The following PDE9A variants were observed in gnomAD, a reference collection of about 807,000 sequenced individuals.
PDE9A encodes phosphodiesterase 9A, also known as high affinity cGMP-specific 3',5'-cyclic phosphodiesterase 9A.
PDE9A carries 60 observed loss-of-function variants against 87.4 expected under a neutral mutation model. That is an observed-to-expected ratio of 0.69 (90% CI 0.56 to 0.85). The LOEUF (loss-of-function observed/expected upper bound fraction) is 0.85, where lower values mean the gene tolerates loss of function less well. Among genes scored for constraint, PDE9A ranks in the 40% least tolerant of loss-of-function variants. The probability of loss-of-function intolerance (pLI) is 0.00; values close to 1 mark genes in which losing one functional copy is unlikely to be tolerated. For missense variants in PDE9A, 665 were observed against 779.0 expected (o/e 0.85, Z 1.74); for synonymous variants, 272 against 279.4 (o/e 0.97, Z 0.27).
rs1006077072 is a variant in PDE9A at position 42,675,378 on chromosome 21, C to T, written c.70-10814C>T. ...TGCATCTTTGCTTGCAGCAGGGCAG[C>T]GCAGGGCATTGGTTGGGGTATAAAT... On this transcript the variant is annotated intron_variant, in intron 1 of 19. Transcript: ENST00000291539. This position sits in a 1 kb window ranked among gnomAD's most constrained non-coding sequence, Gnocchi z 4.3. Among the ~76,000 whole-genome samples, 26 of 152,176 alleles carry T rather than the reference C, an allele frequency of 1.7e-4. No individual in the cohort carries two copies. Among genetic ancestry groups the T allele is most frequent in the African/African-American group, 6.0e-4 (25 of 41,448 alleles).
intron 18 of PDE9A, among the ~76,000 whole-genome samples, chr21:42,771,214 G>A (rs1039214045): frequency 1.3e-4 from 20 of 152,310 alleles, no homozygotes; most frequent in African/African-American, 4.8e-4. Context: ...CCCTCCCCTG[G>A]CACGGGGACA....
chr21:42,736,318 G>T (rs1251261384), intron 7 of PDE9A, among the ~76,000 whole-genome samples: 1 of 152,194 alleles, frequency 6.6e-6, no homozygotes, highest in Non-Finnish European at 1.5e-5. Context: ...CAAGCCAGAA[G>T]AAAAGTGTTC....
At chr21:42,669,070 G>C (rs1268273340) in intron 1 of PDE9A, among the ~76,000 whole-genome samples, 2 of 152,200 alleles carry the variant, frequency 1.3e-5, no homozygotes, top group South Asian at 2.1e-4. Flanking sequence ...CCCATTGCTT[G>C]CGAAAAAGAT....
At chr21:42,668,968 G>A (rs1189092131) in intron 1 of PDE9A, among the ~76,000 whole-genome samples, 1 of 145,378 alleles carries the variant, frequency 6.9e-6, no homozygotes, top group African/African-American at 2.7e-5. Context: ...TGAGCCCTCC[G>A]TGTCTCCCCT....
At chr21:42,690,882 C>T (rs891005331) in intron 3 of PDE9A, among the ~76,000 whole-genome samples, 4 of 152,166 alleles carry the variant, frequency 2.6e-5, no homozygotes, top group African/African-American at 7.2e-5. Context: ...TCTGCTTATC[C>T]GCTAGGTGCC....
At chr21:42,665,989 G>T (rs1042344258) in intron 1 of PDE9A, among the ~76,000 whole-genome samples, 12 of 152,228 alleles carry the variant, frequency 7.9e-5, no homozygotes, top group African/African-American at 2.9e-4. Context: ...GGAGTCCTAA[G>T]CACAGGAAAC....
intron 15 of PDE9A, among the ~76,000 whole-genome samples, chr21:42,767,164 C>T (rs1175052425): frequency 3.3e-5 from 5 of 151,928 alleles, no homozygotes; most frequent in Admixed American, 6.6e-5. Flanking sequence ...GGTAAGGTCT[C>T]GGGGGAAAGG....
rs761802351 is a variant in PDE9A at position 42,760,946 on chromosome 21, C to T, written c.1085+39C>T. 5 of 1,349,262 alleles carry T rather than the reference C, an allele frequency of 3.7e-6. No homozygotes were observed. In the Admixed American group the frequency reaches 5.0e-5, roughly 14 times the overall value. 83.6% of individuals were successfully genotyped at this position (1,349,262 alleles called of 1,614,324 possible). ...TTTCTCTTTTTTTCCTTTTAAAAGG[C>T]ACCCTGGCTACTGGAGGGAACCTGT... On this transcript the variant is annotated intron_variant, in intron 13 of 19. Transcript: ENST00000291539. The surrounding 1 kb of genome is among the most constrained non-coding windows in gnomAD (Gnocchi z 5.2).
intron 4 of PDE9A, among the ~76,000 whole-genome samples, chr21:42,724,389 G>A (rs1450887762): frequency 6.6e-6 from 1 of 152,210 alleles, no homozygotes; most frequent in African/African-American, 2.4e-5. Flanking sequence ...AATCACAGTT[G>A]TTTTAAGTTC....
intron 7 of PDE9A, 148 bp downstream of exon 7, chr21:42,733,574 T>C: frequency 1.6e-6 from 1 of 632,970 alleles, no homozygotes; most frequent in Non-Finnish European, 2.9e-6. Flanking sequence ...ACCTTTGATG[T>C]TAACAAAGGC....
intron 1 of PDE9A, among the ~76,000 whole-genome samples, chr21:42,668,156 C>G (rs527364416): frequency 4.6e-5 from 7 of 152,282 alleles, no homozygotes; most frequent in African/African-American, 1.7e-4. Flanking sequence ...CTCGAAGGGG[C>G]TGCGTGCTGA....
At position 42,737,051 on chromosome 21, in the gene PDE9A, G is replaced by A. The variant is rs79320987; in HGVS notation, c.568+3625G>A. Among the ~76,000 whole-genome samples, 1,346 of 152,340 alleles carry A rather than the reference G, an allele frequency of 8.8e-3. 11 individuals carry two copies. Among genetic ancestry groups the A allele is most frequent in the Admixed American group, 0.015 (226 of 15,304 alleles). ...GGCAGAAACGGAAAGTCCTTTTGAG[G>A]AGAGGGCCTGCAGCTGAACCTCTCA... On this transcript the variant is annotated intron_variant, in intron 7 of 19. Coordinates refer to ENST00000291539, the MANE Select transcript of PDE9A (RefSeq NM_002606.3).
intron 1 of PDE9A, among the ~76,000 whole-genome samples, chr21:42,662,874 C>T (rs2057666060): frequency 7.3e-6 from 1 of 136,674 alleles, no homozygotes; most frequent in South Asian, 2.5e-4. Context: ...ACGTACACAC[C>T]ACACACAGCA....
At position 42,731,750 on chromosome 21, in the gene PDE9A, G is replaced by C; in HGVS notation, c.263-20G>C. 4 of 1,606,178 alleles carry C rather than the reference G, an allele frequency of 2.5e-6. No individual in the cohort carries two copies. Among genetic ancestry groups the C allele is most frequent in the Non-Finnish European group, 3.4e-6 (4 of 1,176,546 alleles). On this transcript the variant is annotated intron_variant, in intron 4 of 19. Transcript: ENST00000291539. ...GAAACTTCCCATATTTGGAAACCCA[G>C]TCCTGCCTGCTTTTTATAGCTGGTG...
chr21:42,687,528 C>T (rs1225339493), intron 2 of PDE9A, among the ~76,000 whole-genome samples: 6 of 152,072 alleles, frequency 3.9e-5, no homozygotes, highest in East Asian at 1.9e-4. Flanking sequence ...GAGAGACTTG[C>T]GCAGTTCAGA....
intron 1 of PDE9A, 97 bp from the exon 2 acceptor site, chr21:42,686,095 C>A (rs2059446220): frequency 2.4e-6 from 2 of 831,930 alleles, no homozygotes; most frequent in Non-Finnish European, 4.1e-6. Flanking sequence ...TCAAAACGAA[C>A]CTTCAGTTTG....
intron 1 of PDE9A, among the ~76,000 whole-genome samples, chr21:42,665,829 T>G (rs906407811): frequency 2.6e-5 from 4 of 152,216 alleles, no homozygotes; most frequent in African/African-American, 9.6e-5. Context: ...AGCTCACCCG[T>G]GAGAGGGCGT....
In PDE9A at chr21:42,759,028, C is replaced by T. The variant is rs145600714; in HGVS notation, c.840C>T (p.His280=). ...TGAGCTGCCTGGAGCACATGTACCA[C>T]GACCTCGGGCTGGTCAGGGACTTCA... The part of the protein sequence containing the change: ...EMLSCLEHMY[H]DLGLVRDFSI... Residue 280 remains histidine, a synonymous_variant, in exon 11 of 20, where the codon CAC becomes CAT. Transcript: ENST00000291539. The surrounding 1 kb of genome is among the most constrained non-coding windows in gnomAD (Gnocchi z 7.2). 1.4e-4 allele frequency: 221 copies of T among 1,613,938 alleles called. No individual in the cohort carries two copies. Among genetic ancestry groups the T allele is most frequent in the South Asian group, 2.0e-4 (18 of 91,086 alleles).
chr21:42,680,856 C>T (rs967039112), intron 1 of PDE9A, among the ~76,000 whole-genome samples: 1 of 152,194 alleles, frequency 6.6e-6, no homozygotes, highest in African/African-American at 2.4e-5. Flanking sequence ...GTTCGTTCTT[C>T]CCAGCTCCGG....
Sources: gnomAD v4.1 joint callset for allele counts (sites outside exome capture counted in the v4.1 genomes callset) on GRCh38, gnomAD v4.1.1 for gene constraint, Gnocchi (gnomAD v3.1) non-coding constraint, MANE v1.5 for transcripts, NCBI Gene and HGNC (gene_info 2026-07-23, HGNC 2026-07-21) for gene names.